PRKCZ: variants seen among roughly 807,000 people sequenced by gnomAD.
PRKCZ encodes the protein protein kinase C zeta type.
Under a neutral mutation model 79.5 loss-of-function variants are expected in PRKCZ, and 33 were observed. The ratio of observed to expected loss-of-function variants is 0.41; its 90% CI spans 0.31 to 0.55. The LOEUF (loss-of-function observed/expected upper bound fraction) is 0.55. PRKCZ is among the 20% of genes least tolerant of loss of function. The pLI is 0.19. For synonymous variants in PRKCZ, 342 were observed against 320.9 expected, an observed-to-expected ratio of 1.07 and a Z score of -0.70; for missense variants, 578 against 813.5, an observed-to-expected ratio of 0.71 and a Z score of 3.52.
chr1:2,159,079 C>T (rs1442856094), intron 10 of PRKCZ, among the ~76,000 whole-genome samples: 2 of 152,156 alleles, frequency 1.3e-5, no homozygotes, highest in African/African-American at 2.4e-5. Context: ...GCGCCTGCCA[C>T]TACACCTGGC....
intron 4 of PRKCZ, among the ~76,000 whole-genome samples, chr1:2,102,632 C>T (rs1667692014): frequency 6.6e-6 from 1 of 152,028 alleles, no homozygotes; most frequent in Non-Finnish European, 1.5e-5. Flanking sequence ...GTGCCCGGCC[C>T]TCGTTTTTGT....
rs760945996 is a variant in PRKCZ, at chr1:2,150,996, TGGGGCCCG to T, written c.876+29_876+36del. The T allele has an allele frequency of 1.2e-6, 2 of 1,611,848 alleles. No homozygotes were observed. The highest frequency in any genetic ancestry group is 1.7e-6 in the Non-Finnish European group (2 of 1,179,506). On this transcript the variant is annotated intron_variant, in intron 9 of 17. Coordinates refer to ENST00000378567, the MANE Select transcript of PRKCZ (RefSeq NM_002744.6). ...ATGACGAGGTAGGTGCCGCTTCTCA[TGGGGCCCG>T]GGGGCCCGGGAACGCGCTGCCCTGG...
intron 10 of PRKCZ, among the ~76,000 whole-genome samples, chr1:2,162,703 T>C (rs1340700274): frequency 1.3e-5 from 2 of 152,128 alleles, no homozygotes; most frequent in African/African-American, 4.8e-5. Flanking sequence ...CCACCTCAGC[T>C]TCCCAGAGTG....
In PRKCZ at chr1:2,079,897, C is replaced by T. The variant is rs117068610; in HGVS notation, c.334+20306C>T. On this transcript the variant is annotated intron_variant, in intron 4 of 17. Coordinates refer to ENST00000378567, the MANE Select transcript of PRKCZ (RefSeq NM_002744.6). ...AGGGGAGTGTCCTGCCTGGGAGGGC[C>T]GGGCATCTCACCCCTAGTAAGGAGT... Among the ~76,000 whole-genome samples the T allele has an allele frequency of 2.7e-3, 405 of 152,252 alleles. 7 individuals carry two copies. The East Asian group carries it at 0.058, about 22-fold the overall frequency.
At chr1:2,053,391 G>C in intron 1 of PRKCZ, among the ~76,000 whole-genome samples, 1 of 152,318 alleles carries the variant, frequency 6.6e-6, no homozygotes, top group East Asian at 1.9e-4. Flanking sequence ...GAGTCACCGC[G>C]CCTGGCCCAG....
intron 4 of PRKCZ, among the ~76,000 whole-genome samples, chr1:2,080,404 C>T (rs769504402): frequency 7.4e-5 from 10 of 135,400 alleles, no homozygotes; most frequent in South Asian, 2.1e-4. Flanking sequence ...CCTGAGGGGC[C>T]GGAGGGTGTG....
intron 4 of PRKCZ, among the ~76,000 whole-genome samples, chr1:2,076,402 A>T (rs1557503778): frequency 6.6e-6 from 1 of 152,188 alleles, no homozygotes; most frequent in East Asian, 1.9e-4. Flanking sequence ...GGTTGGCATG[A>T]TGCTGGGCCT....
At chr1:2,176,075 C>T (rs570534837) in intron 16 of PRKCZ, among the ~76,000 whole-genome samples, 3 of 152,130 alleles carry the variant, frequency 2.0e-5, no homozygotes, top group Admixed American at 6.5e-5. Flanking sequence ...CAGGGTGCGA[C>T]GTACACTGGC....
chr1:2,181,580 G>T (rs1686625876), intron 16 of PRKCZ, among the ~76,000 whole-genome samples: 1 of 152,206 alleles, frequency 6.6e-6, no homozygotes, highest in Non-Finnish European at 1.5e-5. Flanking sequence ...TGCAGAGATG[G>T]GCACTGAAGG....
In PRKCZ at chr1:2,059,431, C is replaced by G; in HGVS notation, c.284-110C>G. On this transcript the variant is annotated intron_variant, in intron 3 of 17. Transcript: ENST00000378567. ...GCTCTCATTGGCAGTGCCACGTGCG[C>G]CTTGCGTGAAGTCCACGTGCTCAGC... 14 of 1,342,664 alleles carry G rather than the reference C, an allele frequency of 1.0e-5. No homozygotes were observed. In the South Asian group the frequency reaches 1.7e-4, roughly 16 times the overall value. The allele number at this position is 1,342,664 out of a possible 1,614,324, so 83.2% of individuals were successfully genotyped here. A position where few individuals can be genotyped will look rare whatever the true frequency, so the allele number is the denominator to read the frequency against.
chr1:2,144,615 C>T (rs566006761), intron 6 of PRKCZ: 31 of 1,278,656 alleles, frequency 2.4e-5, no homozygotes, highest in African/African-American at 1.8e-4. Flanking sequence ...CTCAGTGGGT[C>T]GGAGGTAAGG....
At chr1:2,169,949 C>A (rs1057285534) in intron 11 of PRKCZ, among the ~76,000 whole-genome samples, 7 of 152,054 alleles carry the variant, frequency 4.6e-5, no homozygotes, top group African/African-American at 7.3e-5. Flanking sequence ...CATATTTGCT[C>A]CAGAGTCACA....
At position 2,174,940 on chromosome 1, in the gene PRKCZ, C is replaced by A; in HGVS notation, c.1485+107C>A. The A allele has an allele frequency of 3.4e-6, 4 of 1,191,168 alleles. No individual in the cohort carries two copies. The highest frequency in any genetic ancestry group is 3.7e-6 in the Non-Finnish European group (3 of 815,550). The allele number at this position is 1,191,168 out of a possible 1,614,324, so 73.8% of individuals were successfully genotyped here. On this transcript the variant is annotated intron_variant, in intron 15 of 17. Transcript: ENST00000378567. The surrounding 1 kb of genome is among the most constrained non-coding windows in gnomAD (Gnocchi z 6.2). ...TTTTTTCATGTCGGCTGCTGTGTAT[C>A]GGGTGTGTGGGTTGATTTTCCGCTT... is the stretch of plus-strand genomic sequence containing the variant.
rs1249556886 is a variant in PRKCZ at position 2,094,652 on chromosome 1, G to A, written c.334+35061G>A. On this transcript the variant is annotated intron_variant, in intron 4 of 17. Coordinates refer to ENST00000378567, the MANE Select transcript of PRKCZ (RefSeq NM_002744.6). The surrounding 1 kb of genome is among the most constrained non-coding windows in gnomAD (Gnocchi z 7.3). ...CCGTTCTGAGGCGCCCGCTGTGCCC[G>A]GCTCGTTGAACCTTGGGCGCTGCCC... Among the ~76,000 whole-genome samples, 2 of 135,620 alleles carry A rather than the reference G, an allele frequency of 1.5e-5. No individual in the cohort carries two copies. The highest frequency in any genetic ancestry group is 2.5e-4 in the South Asian group (1 of 4,062). The allele number at this position is 135,620 out of a possible 152,430, so 89.0% of individuals were successfully genotyped here.
chr1:2,146,209 T>C (rs1678480888), intron 7 of PRKCZ, 101 bp downstream of exon 7: 2 of 1,184,100 alleles, frequency 1.7e-6, no homozygotes. Flanking sequence ...CCATCTGCTC[T>C]GCAGGGGTCA....
At chr1:2,183,258 T>C (rs1686992277) in intron 16 of PRKCZ, among the ~76,000 whole-genome samples, 1 of 151,152 alleles carries the variant, frequency 6.6e-6, no homozygotes, top group Non-Finnish European at 1.5e-5. Flanking sequence ...TAGCTGGGCA[T>C]GGTGGTGCAT....
chr1:2,142,608 C>T (rs574592505), intron 5 of PRKCZ: 13 of 239,360 alleles, frequency 5.4e-5, no homozygotes, highest in East Asian at 1.4e-4. Flanking sequence ...ATAGAGCCCA[C>T]GGTCCTGGTG....
chr1:2,114,507 G>A (rs1018984734), intron 4 of PRKCZ, among the ~76,000 whole-genome samples: 16 of 152,238 alleles, frequency 1.1e-4, no homozygotes, highest in African/African-American at 3.6e-4. Context: ...TGGGCGCAGT[G>A]GCTCACGCCT....
chr1:2,052,967 C>T (rs546262486), intron 1 of PRKCZ, among the ~76,000 whole-genome samples: 170 of 152,338 alleles, frequency 1.1e-3, no homozygotes, highest in African/African-American at 3.7e-3. Context: ...CACCCCACCC[C>T]GCCCCCTGTG....
Sources: gnomAD v4.1 joint callset for allele counts (sites outside exome capture counted in the v4.1 genomes callset) on GRCh38, gnomAD v4.1.1 for gene constraint, Gnocchi (gnomAD v3.1) non-coding constraint, MANE v1.5 for transcripts, NCBI Gene and HGNC (gene_info 2026-07-23, HGNC 2026-07-21) for gene names.